The following TAGLN2 variants were observed in gnomAD, a reference collection of about 807,000 sequenced individuals.
TAGLN2 encodes transgelin-2.
TAGLN2 carries 14 observed loss-of-function variants against 24.9 expected under a neutral mutation model. That is an observed-to-expected ratio of 0.56 (90% CI 0.37 to 0.88). The LOEUF is 0.88. TAGLN2 is among the 40% of genes least tolerant of loss of function. TAGLN2 has a pLI of 0.00. For synonymous variants in TAGLN2, 77 were observed against 98.2 expected, an observed-to-expected ratio of 0.78 and a Z score of 1.28; for missense variants, 208 against 258.9, an observed-to-expected ratio of 0.80 and a Z score of 1.35.
In TAGLN2 at chr1:159,919,254, G is replaced by A. The variant is rs1382279637; in HGVS notation, c.458+20C>T. The A allele has an allele frequency of 6.3e-7, 1 of 1,599,676 alleles. No homozygotes were observed. Among genetic ancestry groups the A allele is most frequent in the Admixed American group, 1.7e-5 (1 of 59,982 alleles). On this transcript the variant is annotated intron_variant, in intron 4 of 4. Coordinates refer to ENST00000368097, the MANE Select transcript of TAGLN2 (RefSeq NM_003564.3). ...AACAATGCACCTGCTGGACCCTGCG[G>A]CTGTCCCAGCAATACTTACTTAGGG...
In TAGLN2 at chr1:159,919,697, T is replaced by C. The variant is rs1323791680; in HGVS notation, c.319A>G (p.Thr107Ala). Residue 107 changes from threonine (T) to alanine (A), a missense_variant, in exon 3 of 5, where the codon ACC becomes GCC. Coordinates refer to ENST00000368097, the MANE Select transcript of TAGLN2 (RefSeq NM_003564.3). ...TCCACAGTTTGGAAGATGTCAGTGG[T>C]GTTAATGCCATAGCGCTCAGCTGCT... ...LQAAERYGINTTDIFQTVDLW... is the reference protein window; with the variant it reads ...LQAAERYGINATDIFQTVDLW... 2 of 1,613,278 alleles carry C rather than the reference T, an allele frequency of 1.2e-6. No homozygotes were observed. Among genetic ancestry groups the C allele is most frequent in the Non-Finnish European group, 1.7e-6 (2 of 1,179,896 alleles).
chr1:159,924,115 G>A (rs1023553487), intron 1 of TAGLN2, among the ~76,000 whole-genome samples: 2 of 152,184 alleles, frequency 1.3e-5, no homozygotes, highest in Non-Finnish European at 2.9e-5. Flanking sequence ...AGAACCCACA[G>A]CTGAAAATTC....
intron 3 of TAGLN2, 56 bp downstream of exon 3, chr1:159,919,605 C>G: frequency 6.3e-7 from 1 of 1,594,760 alleles, no homozygotes; most frequent in Non-Finnish European, 8.6e-7. Flanking sequence ...TCAAGAGGGC[C>G]CAGCCCAATC....
rs535404473 is a variant in TAGLN2, at chr1:159,919,561, T to C, written c.355+100A>G. 9.5e-6 allele frequency: 14 copies of C among 1,471,560 alleles called. No individual in the cohort carries two copies. The African/African-American group carries it at 1.9e-4, about 20-fold the overall frequency. The allele number at this position is 1,471,560 out of a possible 1,614,324, so 91.2% of individuals were successfully genotyped here. A position where few individuals can be genotyped will look rare whatever the true frequency, so the allele number is the denominator to read the frequency against. ...GAACACAAACACACCCCTCTTTCTC[T>C]GCAGGGAGCCAGAAAACAGCCCCTT... On this transcript the variant is annotated intron_variant, in intron 3 of 4. Coordinates refer to ENST00000368097, the MANE Select transcript of TAGLN2 (RefSeq NM_003564.3).
intron 1 of TAGLN2, among the ~76,000 whole-genome samples, chr1:159,920,893 G>C (rs896900577): frequency 1.3e-5 from 2 of 152,152 alleles, no homozygotes; most frequent in Non-Finnish European, 2.9e-5. Flanking sequence ...AGAAGTCCTT[G>C]GTCCTCAAGT....
At chr1:159,920,845 C>A (rs888019025) in intron 1 of TAGLN2, among the ~76,000 whole-genome samples, 1 of 152,146 alleles carries the variant, frequency 6.6e-6, no homozygotes, top group African/African-American at 2.4e-5. Flanking sequence ...TTTAATTGAG[C>A]ACCTACTATC....
In TAGLN2 at chr1:159,918,581, G is replaced by T; in HGVS notation, c.*219C>A. The T allele has an allele frequency of 1.7e-6, 1 of 585,526 alleles. No individual in the cohort carries two copies. The highest frequency in any genetic ancestry group is 2.8e-6 in the Non-Finnish European group (1 of 351,492). The allele number at this position is 585,526 out of a possible 1,614,324, so 36.3% of individuals were successfully genotyped here. On this transcript the variant is annotated 3_prime_UTR_variant, in exon 5 of 5. Transcript: ENST00000368097. ...CCCAGGGGAAAGGAAGAGGCCAGTT[G>T]GTCCAGTTTTGATGGCTATGGGGAA...
chr1:159,921,020 C>T (rs761496846), intron 1 of TAGLN2, among the ~76,000 whole-genome samples: 10 of 152,268 alleles, frequency 6.6e-5, no homozygotes, highest in East Asian at 5.8e-4. Flanking sequence ...AAGAAGCAGA[C>T]GGGCAGAAGC....
At chr1:159,923,470 T>A (rs1156515870) in intron 1 of TAGLN2, 1 of 1,549,446 alleles carries the variant, frequency 6.5e-7, no homozygotes, top group South Asian at 1.2e-5. Flanking sequence ...AAGGCGGACA[T>A]GGGTGGGGGC....
At chr1:159,922,362 C>T (rs749860834) in intron 1 of TAGLN2, among the ~76,000 whole-genome samples, 1 of 152,184 alleles carries the variant, frequency 6.6e-6, no homozygotes, top group African/African-American at 2.4e-5. Context: ...CCCTCCACTT[C>T]CCCCAGCCCG....
rs944760836 is a variant in TAGLN2 at position 159,923,296 on chromosome 1, G to A, written c.-29+2154C>T. 10 of 951,924 alleles carry A rather than the reference G, an allele frequency of 1.1e-5. No individual in the cohort carries two copies. In the African/African-American group the frequency reaches 1.7e-4, roughly 16 times the overall value. The allele number at this position is 951,924 out of a possible 1,614,324, so 59.0% of individuals were successfully genotyped here. The stretch of plus-strand genomic sequence containing the variant: ...GCTGAACAACCTGGGGGATGGACTG[G>A]CAGGGAGCAACCTAAACCCTAGCGC... On this transcript the variant is annotated intron_variant, in intron 1 of 4. Transcript: ENST00000368097.
intron 1 of TAGLN2, chr1:159,925,148 C>G (rs1451222024): frequency 6.6e-6 from 1 of 152,288 alleles, no homozygotes; most frequent in East Asian, 1.9e-4. Flanking sequence ...CTTTTTTCCC[C>G]TCGCCCCAGT....
chr1:159,920,687 C>T, intron 1 of TAGLN2, 150 bp from the exon 2 acceptor site: 1 of 1,383,892 alleles, frequency 7.2e-7, no homozygotes, highest in East Asian at 2.5e-5. Flanking sequence ...TGCAACCCTG[C>T]TCTTTATAGC....
chr1:159,923,383 G>A (rs1055122888), intron 1 of TAGLN2: 41 of 1,540,068 alleles, frequency 2.7e-5, no homozygotes, highest in Non-Finnish European at 3.6e-5. Flanking sequence ...GGGAAACGGG[G>A]AGGGGCCACG....
chr1:159,925,039 A>C (rs1449879334), intron 1 of TAGLN2: 1 of 152,252 alleles, frequency 6.6e-6, no homozygotes, highest in African/African-American at 2.4e-5. Flanking sequence ...GGAACCAGGA[A>C]GTGAAGGGTC....
At position 159,918,931 on chromosome 1, in the gene TAGLN2, C is replaced by A. The variant is rs1185699873; in HGVS notation, c.469G>T (p.Glu157Ter). The stretch of plus-strand genomic sequence containing the variant: ...TTATCCGAGAAGTTCCGAGGATTCT[C>A]CTTGGATTTCCTGGGTGACAAGGGA... Reference protein sequence around the residue: ...DPNWFPKKSKENPRNFSDNQL... With the variant: ...DPNWFPKKSK Residue 157 changes from glutamate to a stop codon, truncating the protein, a stop_gained, in exon 5 of 5, where the codon GAG becomes TAG. Transcript: ENST00000368097. LOFTEE classifies it high-confidence loss of function. 6.2e-7 allele frequency: 1 copy of A among 1,614,162 alleles called. No individual in the cohort carries two copies. Among genetic ancestry groups the A allele is most frequent in the Non-Finnish European group, 8.5e-7 (1 of 1,180,014 alleles).
chr1:159,918,775 G>T lies in TAGLN2; in HGVS notation c.*25C>A, dbSNP rs1467593140. On this transcript the variant is annotated 3_prime_UTR_variant, in exon 5 of 5. Coordinates refer to ENST00000368097, the MANE Select transcript of TAGLN2 (RefSeq NM_003564.3). Reference sequence around the variant, plus strand: ...CATATATATTAACCATTCGTGGGAGGGCAGGGGCAAGGCCTGGGGTGGGAT... The same window carrying T: ...CATATATATTAACCATTCGTGGGAGTGCAGGGGCAAGGCCTGGGGTGGGAT... The T allele has an allele frequency of 6.2e-7, 1 of 1,610,934 alleles. No homozygotes were observed. The highest frequency in any genetic ancestry group is 8.5e-7 in the Non-Finnish European group (1 of 1,178,142).
At chr1:159,923,091 G>A (rs1650588657) in intron 1 of TAGLN2, among the ~76,000 whole-genome samples, 1 of 152,264 alleles carries the variant, frequency 6.6e-6, no homozygotes, top group Admixed American at 6.5e-5. Flanking sequence ...AAGCTGATGG[G>A]CTGCGGCTGC....
Position 159,921,370 on chromosome 1 carries a change from TAACAAC to T in TAGLN2, c.-28-839_-28-834del, listed in dbSNP as rs72007288. Among the ~76,000 whole-genome samples the T allele has an allele frequency of 2.0e-5, 3 of 151,534 alleles. No individual in the cohort carries two copies. The East Asian group carries it at 5.8e-4, about 29-fold the overall frequency. ...GATAGGTGAGTCAGAGTGGGAGAAG[TAACAAC>T]AACAACAACAAAATGGAAGTAGAAG... On this transcript the variant is annotated intron_variant, in intron 1 of 4. Transcript: ENST00000368097.
Sources: gnomAD v4.1 joint callset for allele counts (sites outside exome capture counted in the v4.1 genomes callset) on GRCh38, gnomAD v4.1.1 for gene constraint, MANE v1.5 for transcripts, NCBI Gene and HGNC (gene_info 2026-07-23, HGNC 2026-07-21) for gene names.